The following CUBN variants were observed in gnomAD, a reference collection of about 807,000 sequenced individuals.
The protein encoded by CUBN is cubilin.
A neutral mutation model predicts 405.3 loss-of-function variants in CUBN; 282 were observed. That is an observed-to-expected ratio of 0.70 (90% confidence interval 0.63 to 0.77). CUBN has a LOEUF of 0.77. Ranked by LOEUF, CUBN falls within the 30% of genes least tolerant of loss-of-function variation. CUBN has a pLI of 0.00. For synonymous variants in CUBN, 1,684 were observed against 1,617.0 expected (o/e 1.04, Z -0.99); for missense variants, 4,514 against 4,475.2 (o/e 1.01, Z -0.25).
intron 56 of CUBN, among the ~76,000 whole-genome samples, chr10:16,882,206 G>A (rs1381902634): frequency 6.6e-6 from 1 of 152,164 alleles, no homozygotes; most frequent in Admixed American, 6.5e-5. Context: ...GAAGCACCCT[G>A]AAATTGAACA....
chr10:17,065,950 A>G (rs968593413), intron 21 of CUBN, among the ~76,000 whole-genome samples: 1 of 152,180 alleles, frequency 6.6e-6, no homozygotes, highest in Non-Finnish European at 1.5e-5. Flanking sequence ...GAAATGTAAT[A>G]AACTTATACA....
Position 16,835,116 on chromosome 10 carries a change from A to G in CUBN, c.10260T>C (p.Asp3420=). ...GWPDNYDNDK[D]CTVTLTAPQN... The stretch of plus-strand genomic sequence containing the variant: ...GGGGGGCTGTGAGAGTAACGGTGCA[A>G]TCCTTGTCATTGTCGTAGTTATCTG... The change falls in exon 64 of 67, where the codon GAT becomes GAC. Residue 3420 remains aspartate, a synonymous_variant. Transcript: ENST00000377833. The G allele has an allele frequency of 6.2e-7, 1 of 1,614,122 alleles. No individual in the cohort carries two copies. The highest frequency in any genetic ancestry group is 8.5e-7 in the Non-Finnish European group (1 of 1,179,994).
intron 39 of CUBN, among the ~76,000 whole-genome samples, chr10:16,936,312 T>C (rs1408202020): frequency 6.6e-6 from 1 of 152,218 alleles, no homozygotes. Context: ...ATTTAAATGT[T>C]GCCTCTAAAT....
intron 31 of CUBN, among the ~76,000 whole-genome samples, chr10:16,981,889 A>G (rs1034666897): frequency 1.3e-5 from 2 of 152,084 alleles, no homozygotes; most frequent in African/African-American, 4.8e-5. Context: ...CCATCTCCCA[A>G]CCTGTTCTAT....
At chr10:16,944,063 A>G (rs183234807) in intron 36 of CUBN, among the ~76,000 whole-genome samples, 5 of 152,318 alleles carry the variant, frequency 3.3e-5, no homozygotes, top group East Asian at 1.9e-4. Context: ...GTTTCTTATT[A>G]TCTCATTCTG....
intron 56 of CUBN, among the ~76,000 whole-genome samples, chr10:16,881,814 T>C (rs1328257997): frequency 6.6e-6 from 1 of 152,144 alleles, no homozygotes; most frequent in Non-Finnish European, 1.5e-5. Context: ...AACAAAGTAA[T>C]ATGCAAGAAA....
intron 22 of CUBN, among the ~76,000 whole-genome samples, chr10:17,051,556 C>A (rs1165534658): frequency 6.6e-6 from 1 of 151,620 alleles, no homozygotes; most frequent in East Asian, 1.9e-4. Context: ...AAGAAAAAGC[C>A]TTAAAAAGTA....
intron 27 of CUBN, among the ~76,000 whole-genome samples, chr10:17,037,898 A>G (rs1486898465): frequency 2.7e-5 from 4 of 148,088 alleles, no homozygotes; most frequent in African/African-American, 1.0e-4. Flanking sequence ...CTGAACCACA[A>G]CCTCTCTCGA....
chr10:16,866,715 T>C (rs1217387030), intron 59 of CUBN, among the ~76,000 whole-genome samples: 2 of 152,196 alleles, frequency 1.3e-5, no homozygotes, highest in South Asian at 2.1e-4. Flanking sequence ...CAATTATTCA[T>C]ATAGCATTGG....
At chr10:16,994,271 T>A (rs1406028796) in intron 28 of CUBN, among the ~76,000 whole-genome samples, 1 of 152,134 alleles carries the variant, frequency 6.6e-6, no homozygotes, top group Admixed American at 6.6e-5. Flanking sequence ...ATATTTAATA[T>A]CTCTTGAAAA....
rs191796048 is a variant in CUBN at position 17,076,302 on chromosome 10, C to T, written c.2302-4331G>A. Among the ~76,000 whole-genome samples the T allele has an allele frequency of 4.4e-3, 668 of 152,106 alleles. 5 individuals are homozygous for T. Among genetic ancestry groups the T allele is most frequent in the African/African-American group, 0.015 (642 of 41,490 alleles). ...TCTCTCTCTCTCTGTGGAAATGAAA[C>T]CTTATTAATTCTGAAAGCCTGTATT... On this transcript the variant is annotated intron_variant, in intron 17 of 66. Transcript: ENST00000377833.
At chr10:17,110,317 CAA>C (rs1349098193) in intron 9 of CUBN, among the ~76,000 whole-genome samples, 2 of 152,130 alleles carry the variant, frequency 1.3e-5, no homozygotes, top group African/African-American at 4.8e-5. Flanking sequence ...TTCGTGAGGG[CAA>C]TGGAACAGTA....
Position 17,071,873 on chromosome 10 carries a change from T to C in CUBN, c.2400A>G (p.Ile800Met). 1 of 1,613,210 alleles carries C rather than the reference T, an allele frequency of 6.2e-7. No homozygotes were observed. Among genetic ancestry groups the C allele is most frequent in the Non-Finnish European group, 8.5e-7 (1 of 1,179,772 alleles). The part of the protein sequence containing the change: ...ITNSVWIRFK[I>M]DASVEKASFR... ...AACTAGCTTTTTCAACAGAAGCATC[T>C]ATTTTAAACCTGATCCAGACACTAT... is the stretch of plus-strand genomic sequence containing the variant. The change falls in exon 18 of 67, where the codon ATA (isoleucine) becomes ATG (methionine). Residue 800 changes from isoleucine to methionine, a missense_variant. Physicochemically the swap from Ile to Met is conservative, Grantham distance 10 (BLOSUM62 1). Transcript: ENST00000377833.
At chr10:16,931,073 A>G (rs535220382) in intron 40 of CUBN, among the ~76,000 whole-genome samples, 1 of 151,540 alleles carries the variant, frequency 6.6e-6, no homozygotes, top group Non-Finnish European at 1.5e-5. Context: ...TGGTTAACAC[A>G]GTGAAACCCC....
intron 54 of CUBN, among the ~76,000 whole-genome samples, chr10:16,891,393 C>G (rs184228999): frequency 6.6e-5 from 10 of 152,094 alleles, no homozygotes; most frequent in African/African-American, 2.4e-4. Context: ...GAGCCTGCCC[C>G]GAGCGAACCC....
intron 28 of CUBN, among the ~76,000 whole-genome samples, chr10:17,019,583 G>A (rs995440278): frequency 1.3e-5 from 2 of 152,140 alleles, no homozygotes; most frequent in Admixed American, 1.3e-4. Context: ...TTTATCTAAG[G>A]CAATTTATTA....
intron 66 of CUBN, among the ~76,000 whole-genome samples, chr10:16,825,799 C>T (rs1006471557): frequency 2.0e-5 from 3 of 151,954 alleles, no homozygotes. Flanking sequence ...GGCAAAAAGC[C>T]CTGCTCTCAT....
At chr10:17,056,096 G>T in intron 22 of CUBN, among the ~76,000 whole-genome samples, 1 of 152,012 alleles carries the variant, frequency 6.6e-6, no homozygotes, top group East Asian at 1.9e-4. Flanking sequence ...ATGAAATAGA[G>T]ATTCCAGAAG....
At chr10:16,956,804 AG>A (rs1310601025) in intron 31 of CUBN, among the ~76,000 whole-genome samples, 1 of 152,142 alleles carries the variant, frequency 6.6e-6, no homozygotes, top group Non-Finnish European at 1.5e-5. Context: ...TTATTTGTTT[AG>A]AATAGCATTT....
Sources: gnomAD v4.1 joint callset for allele counts (sites outside exome capture counted in the v4.1 genomes callset) on GRCh38, gnomAD v4.1.1 for gene constraint, MANE v1.5 for transcripts, NCBI Gene and HGNC (gene_info 2026-07-23, HGNC 2026-07-21) for gene names.